Variants in PTPRM observed in about 807,000 individuals in gnomAD.
PTPRM encodes receptor-type tyrosine-protein phosphatase mu.
A neutral mutation model predicts 186.7 loss-of-function variants in PTPRM; 47 were observed. The observed-to-expected ratio is 0.25, with a 90% CI of 0.20 to 0.32. The LOEUF is 0.32. Among genes scored for constraint, PTPRM ranks in the 10% least tolerant of loss-of-function variants. The pLI is 1.00. For missense variants in PTPRM, 1,494 were observed against 1,865.0 expected, an observed-to-expected ratio of 0.80 and a Z score of 3.66; for synonymous variants, 668 against 674.9, an observed-to-expected ratio of 0.99 and a Z score of 0.16.
chr18:7,948,120 G>A (rs1226979849), intron 5 of PTPRM, among the ~76,000 whole-genome samples: 2 of 129,412 alleles, frequency 1.5e-5, no homozygotes, highest in Non-Finnish European at 3.2e-5. Context: ...CCTCTTTCCT[G>A]ATTATAAAAT....
At chr18:8,145,849 G>A (rs965314113) in intron 14 of PTPRM, among the ~76,000 whole-genome samples, 3 of 152,178 alleles carry the variant, frequency 2.0e-5, no homozygotes, top group African/African-American at 7.2e-5. Context: ...TATATTCCCA[G>A]TAATGGGATT....
intron 1 of PTPRM, among the ~76,000 whole-genome samples, chr18:7,687,002 A>C (rs182937910): frequency 1.1e-3 from 174 of 152,344 alleles, no homozygotes; most frequent in African/African-American, 3.8e-3. Flanking sequence ...GCTGTCGTAG[A>C]AAGAATTGTT....
chr18:7,582,598 A>G (rs1302718152), intron 1 of PTPRM, among the ~76,000 whole-genome samples: 2 of 152,240 alleles, frequency 1.3e-5, no homozygotes, highest in African/African-American at 4.8e-5. Flanking sequence ...TGGGACTTAC[A>G]GAGGGGTCTG....
At chr18:8,046,082 G>A (rs563016367) in intron 7 of PTPRM, among the ~76,000 whole-genome samples, 11 of 152,198 alleles carry the variant, frequency 7.2e-5, no homozygotes, top group Admixed American at 2.0e-4. Context: ...TGAGTTTCAC[G>A]AGATCTGATG....
intron 19 of PTPRM, among the ~76,000 whole-genome samples, chr18:8,290,630 G>T (rs947008516): frequency 1.3e-5 from 2 of 152,198 alleles, no homozygotes; most frequent in Admixed American, 6.5e-5. Flanking sequence ...TGCCCATGGA[G>T]AGTACAGCAT....
At chr18:8,289,666 C>A (rs2095020302) in intron 19 of PTPRM, among the ~76,000 whole-genome samples, 1 of 140,772 alleles carries the variant, frequency 7.1e-6, no homozygotes, top group Admixed American at 7.2e-5. Flanking sequence ...AACCTCAATC[C>A]CATTATCAAA....
intron 7 of PTPRM, among the ~76,000 whole-genome samples, chr18:8,001,514 A>G (rs2083870267): frequency 6.6e-6 from 1 of 151,822 alleles, no homozygotes; most frequent in African/African-American, 2.4e-5. Flanking sequence ...CTGGTGCTAG[A>G]CAACTGGATG....
chr18:7,744,774 C>T (rs994608398), intron 1 of PTPRM, among the ~76,000 whole-genome samples: 12 of 152,070 alleles, frequency 7.9e-5, no homozygotes, highest in Non-Finnish European at 1.5e-4. Context: ...CGACTTTTAT[C>T]TTATTTTTGA....
intron 1 of PTPRM, among the ~76,000 whole-genome samples, chr18:7,727,497 T>G (rs1003285542): frequency 2.0e-5 from 3 of 152,218 alleles, no homozygotes; most frequent in Non-Finnish European, 4.4e-5. Context: ...CACTTTTTTT[T>G]GTCATGAAGT....
At chr18:7,615,543 C>G (rs1317977917) in intron 1 of PTPRM, among the ~76,000 whole-genome samples, 2 of 152,112 alleles carry the variant, frequency 1.3e-5, no homozygotes, top group African/African-American at 4.8e-5. Context: ...TCTGGGAGGC[C>G]TCTGCCTTCC....
chr18:7,748,227 T>C (rs898910060), intron 1 of PTPRM, among the ~76,000 whole-genome samples: 7 of 152,236 alleles, frequency 4.6e-5, no homozygotes, highest in African/African-American at 1.7e-4. Flanking sequence ...ACTTGAAATG[T>C]GGCTAGAGTC....
intron 7 of PTPRM, among the ~76,000 whole-genome samples, chr18:8,055,413 C>A (rs2087850444): frequency 6.6e-6 from 1 of 152,048 alleles, no homozygotes; most frequent in Non-Finnish European, 1.5e-5. Flanking sequence ...ATCTTGCTGT[C>A]TAGTTTTATA....
intron 22 of PTPRM, among the ~76,000 whole-genome samples, chr18:8,324,539 G>A (rs558732238): frequency 6.6e-6 from 1 of 152,290 alleles, no homozygotes; most frequent in Admixed American, 6.5e-5. Flanking sequence ...CCAGAAGGCT[G>A]GGATCCAAAT....
Position 7,993,769 on chromosome 18 carries a change from G to A in PTPRM, c.1132+38355G>A, listed in dbSNP as rs144758109. Among the ~76,000 whole-genome samples the A allele has an allele frequency of 1.1e-4, 16 of 152,142 alleles. No homozygotes were observed. The South Asian group carries it at 1.2e-3, about 12-fold the overall frequency. On this transcript the variant is annotated intron_variant, in intron 7 of 32. Coordinates refer to ENST00000580170, the MANE Select transcript of PTPRM (RefSeq NM_001105244.2). ...AAGTGAAAGGATGTTCTCCATCACCGTGAAAACACACTAAAATATATAACT... is the reference window on the plus strand; with the variant it reads ...AAGTGAAAGGATGTTCTCCATCACCATGAAAACACACTAAAATATATAACT...
intron 7 of PTPRM, among the ~76,000 whole-genome samples, chr18:8,061,535 G>A (rs2088511380): frequency 1.1e-5 from 1 of 90,890 alleles, no homozygotes; most frequent in South Asian, 4.3e-4. Flanking sequence ...GTTAGTTGAT[G>A]CAGTTTCTTC....
intron 21 of PTPRM, 57 bp downstream of exon 21, chr18:8,314,914 T>C: frequency 8.4e-7 from 1 of 1,193,868 alleles, no homozygotes; most frequent in Non-Finnish European, 1.2e-6. Context: ...TTGGGTGCTA[T>C]GTATGATATT....
intron 19 of PTPRM, among the ~76,000 whole-genome samples, chr18:8,282,764 A>G (rs2094917483): frequency 6.6e-6 from 1 of 152,148 alleles, no homozygotes; most frequent in African/African-American, 2.4e-5. Flanking sequence ...TTATATCCCC[A>G]CAAAACTCTG....
At chr18:8,013,573 G>T (rs2084673649) in intron 7 of PTPRM, among the ~76,000 whole-genome samples, 1 of 152,144 alleles carries the variant, frequency 6.6e-6, no homozygotes, top group Non-Finnish European at 1.5e-5. Context: ...GTGGGAAGTT[G>T]GTTTGGCTGT....
At chr18:7,697,021 G>A (rs996755750) in intron 1 of PTPRM, among the ~76,000 whole-genome samples, 48 of 152,168 alleles carry the variant, frequency 3.2e-4, no homozygotes, top group Non-Finnish European at 2.1e-4. Flanking sequence ...ATGATGTCAG[G>A]CATAATTACT....
Sources: allele counts gnomAD v4.1 joint callset (sites outside exome capture counted in the v4.1 genomes callset), GRCh38; gene constraint gnomAD v4.1.1; transcripts MANE v1.5; gene names NCBI Gene and HGNC (gene_info 2026-07-23, HGNC 2026-07-21).